MTARC2: variants seen among roughly 807,000 people sequenced by gnomAD.
The protein encoded by MTARC2 is MOCO sulphurase C-terminal domain containing 2.
A neutral mutation model predicts 35.6 loss-of-function variants in MTARC2; 27 were observed. That is an observed-to-expected ratio of 0.76 (90% confidence interval 0.56 to 1.04). The LOEUF (loss-of-function observed/expected upper bound fraction) is 1.04, where lower values mean the gene tolerates loss of function less well. Ranked by LOEUF, MTARC2 falls within the 50% of genes least tolerant of loss-of-function variation. The pLI, the probability that MTARC2 is intolerant of heterozygous loss-of-function variation, is 0.00. For synonymous variants in MTARC2, 158 were observed against 167.1 expected, an observed-to-expected ratio of 0.95 and a Z score of 0.42; for missense variants, 412 against 432.5, an observed-to-expected ratio of 0.95 and a Z score of 0.42.
At chr1:220,775,518 T>G (rs1167189931) in intron 4 of MTARC2, among the ~76,000 whole-genome samples, 1 of 152,222 alleles carries the variant, frequency 6.6e-6, no homozygotes, top group Non-Finnish European at 1.5e-5. Context: ...ATTTACTTAT[T>G]TATTTTTATC....
At chr1:220,782,526 A>G (rs1458945459) in intron 7 of MTARC2, among the ~76,000 whole-genome samples, 1 of 152,226 alleles carries the variant, frequency 6.6e-6, no homozygotes, top group East Asian at 1.9e-4. Flanking sequence ...CCCAAATTAA[A>G]GGAATGAGAA....
chr1:220,771,757 G>T (rs1671749877), intron 4 of MTARC2, among the ~76,000 whole-genome samples: 1 of 151,966 alleles, frequency 6.6e-6, no homozygotes, highest in African/African-American at 2.4e-5. Context: ...CTCTCGGGGG[G>T]TGGGGGACAA....
At chr1:220,774,753 C>A (rs142541470) in intron 4 of MTARC2, among the ~76,000 whole-genome samples, 2 of 152,154 alleles carry the variant, frequency 1.3e-5, no homozygotes, top group African/African-American at 4.8e-5. Context: ...TCACTCTCAG[C>A]GGTCTTATAC....
chr1:220,776,679 G>T (rs1319344111), intron 4 of MTARC2, among the ~76,000 whole-genome samples: 1 of 152,156 alleles, frequency 6.6e-6, no homozygotes, highest in Non-Finnish European at 1.5e-5. Context: ...CCTTGCGGTT[G>T]TCTAACAGTG....
chr1:220,765,640 A>C (rs1026326080), intron 4 of MTARC2, among the ~76,000 whole-genome samples: 7 of 148,640 alleles, frequency 4.7e-5, no homozygotes, highest in Non-Finnish European at 1.1e-4. Flanking sequence ...TGGTGCAATC[A>C]CGGCTCACTG....
chr1:220,760,589 C>T (rs1671412844), intron 2 of MTARC2, among the ~76,000 whole-genome samples: 1 of 152,078 alleles, frequency 6.6e-6, no homozygotes, highest in African/African-American at 2.4e-5. Context: ...CATTTGATTT[C>T]AAATAAAATT....
chr1:220,765,857 T>C (rs1671564970), intron 4 of MTARC2, among the ~76,000 whole-genome samples: 1 of 152,340 alleles, frequency 6.6e-6, no homozygotes. Flanking sequence ...GCTGGGATTA[T>C]AGTCATGAGC....
rs530890152 is a variant in MTARC2, at chr1:220,759,746, T to A, written c.447-1912T>A. Reference sequence around the variant, plus strand: ...AAGGCCAGGAGAGGATCATGAGATGTCTGTAGAGCCAAGAATTAATCAGAG... The same window carrying A: ...AAGGCCAGGAGAGGATCATGAGATGACTGTAGAGCCAAGAATTAATCAGAG... On this transcript the variant is annotated intron_variant, in intron 2 of 7. Coordinates refer to ENST00000366913, the MANE Select transcript of MTARC2 (RefSeq NM_017898.5). Among the ~76,000 whole-genome samples, 3 of 152,000 alleles carry A rather than the reference T, an allele frequency of 2.0e-5. No individual in the cohort carries two copies. In the South Asian group the frequency reaches 6.2e-4, roughly 32 times the overall value.
At chr1:220,781,499 A>G (rs1459551506) in intron 6 of MTARC2, among the ~76,000 whole-genome samples, 1 of 152,256 alleles carries the variant, frequency 6.6e-6, no homozygotes, top group Non-Finnish European at 1.5e-5. Flanking sequence ...GAAGGTACCC[A>G]TATAGACAAA....
intron 4 of MTARC2, among the ~76,000 whole-genome samples, chr1:220,775,293 G>A (rs946122336): frequency 6.6e-6 from 1 of 152,140 alleles, no homozygotes; most frequent in Non-Finnish European, 1.5e-5. Context: ...GAACCCTTAT[G>A]TATAGTACTC....
At chr1:220,769,500 T>G (rs879042519) in intron 4 of MTARC2, among the ~76,000 whole-genome samples, 18 of 152,116 alleles carry the variant, frequency 1.2e-4, no homozygotes, top group Non-Finnish European at 2.6e-4. Flanking sequence ...GAAGCTCCCC[T>G]GGGGTTTCTA....
intron 1 of MTARC2, among the ~76,000 whole-genome samples, chr1:220,750,198 C>T (rs1370993050): frequency 1.3e-5 from 2 of 152,146 alleles, no homozygotes; most frequent in East Asian, 3.8e-4. Flanking sequence ...ATGTTTAGAG[C>T]TTATTCAAAT....
chr1:220,763,242 GT>G (rs1671490985), intron 4 of MTARC2, among the ~76,000 whole-genome samples, 192 bp downstream of exon 4: 1 of 152,070 alleles, frequency 6.6e-6, no homozygotes, highest in Non-Finnish European at 1.5e-5. Context: ...CTCGGGGGGC[GT>G]TGCTCTCACC....
At position 220,780,177 on chromosome 1, in the gene MTARC2, G is replaced by T; in HGVS notation, c.822G>T (p.Leu274Phe). 1 of 1,612,802 alleles carries T rather than the reference G, an allele frequency of 6.2e-7. No individual in the cohort carries two copies. The highest frequency in any genetic ancestry group is 8.5e-7 in the Non-Finnish European group (1 of 1,179,620). The change falls in exon 6 of 8, where the codon TTG becomes TTT. Residue 274 changes from leucine to phenylalanine, a missense_variant. Transcript: ENST00000366913. ...GGTTACTGCATAACAGGTGTATTTT[G>T]ACAACGGTGGACCCAGACACTGGAG... The part of the protein sequence containing the change: ...KKVMACPRCI[L>F]TTVDPDTGVI...
intron 2 of MTARC2, among the ~76,000 whole-genome samples, chr1:220,759,244 A>G (rs1204113331): frequency 6.6e-6 from 1 of 152,238 alleles, no homozygotes; most frequent in Non-Finnish European, 1.5e-5. Context: ...GTCCTCTTAC[A>G]TAATTTTTAG....
At chr1:220,781,551 A>G (rs1007906321) in intron 6 of MTARC2, among the ~76,000 whole-genome samples, 6 of 152,182 alleles carry the variant, frequency 3.9e-5, no homozygotes, top group African/African-American at 1.4e-4. Context: ...TTCTTTTTGG[A>G]CTTAAACTGA....
At chr1:220,757,113 G>A (rs1278695906) in intron 2 of MTARC2, among the ~76,000 whole-genome samples, 1 of 152,222 alleles carries the variant, frequency 6.6e-6, no homozygotes, top group Non-Finnish European at 1.5e-5. Flanking sequence ...TGTTGGCCAG[G>A]CTGGTTTCGA....
At position 220,784,063 on chromosome 1, in the gene MTARC2, G is replaced by T; in HGVS notation, c.*176G>T. 4.4e-6 allele frequency: 3 copies of T among 686,630 alleles called. No individual in the cohort carries two copies. Among genetic ancestry groups the T allele is most frequent in the South Asian group, 3.2e-5 (2 of 62,330 alleles). 42.5% of individuals were successfully genotyped at this position (686,630 alleles called of 1,614,324 possible). ...CTTTTCAAAGTTGTGTATGCTCCAG[G>T]TTAATGCAAGGAAAGTATTAGAGGG... On this transcript the variant is annotated 3_prime_UTR_variant, in exon 8 of 8. Coordinates refer to ENST00000366913, the MANE Select transcript of MTARC2 (RefSeq NM_017898.5).
chr1:220,784,285 C>G lies in MTARC2; in HGVS notation c.*398C>G. The G allele has an allele frequency of 3.8e-6, 1 of 263,670 alleles. No individual in the cohort carries two copies. The highest frequency in any genetic ancestry group is 7.3e-6 in the Non-Finnish European group (1 of 137,000). The allele number at this position is 263,670 out of a possible 1,614,324, so 16.3% of individuals were successfully genotyped here. ...TTTTTAAAATGTGTGCCTTTTATTA[C>G]CTATCAGTCTATGTTTTGGGAGAAA... is the stretch of plus-strand genomic sequence containing the variant. On this transcript the variant is annotated 3_prime_UTR_variant, in exon 8 of 8. Transcript: ENST00000366913.
Sources: allele counts gnomAD v4.1 joint callset (sites outside exome capture counted in the v4.1 genomes callset), GRCh38; gene constraint gnomAD v4.1.1; transcripts MANE v1.5; gene names NCBI Gene and HGNC (gene_info 2026-07-23, HGNC 2026-07-21).